BCAS1: variants seen among roughly 807,000 people sequenced by gnomAD.
BCAS1 encodes breast carcinoma-amplified sequence 1.
BCAS1 carries 46 observed loss-of-function variants against 65.4 expected under a neutral mutation model. That is an observed-to-expected ratio of 0.70 (90% CI 0.55 to 0.90). The LOEUF is 0.90. BCAS1 is among the 40% of genes least tolerant of loss of function. BCAS1 has a pLI of 0.00. For synonymous variants in BCAS1, 298 were observed against 293.5 expected (o/e 1.02, Z -0.16); for missense variants, 793 against 771.2 (o/e 1.03, Z -0.33).
chr20:53,995,914 A>G lies in BCAS1; in HGVS notation c.860T>C (p.Ile287Thr). The change falls in exon 5 of 13, where the codon ATC becomes ACC. Residue 287 changes from isoleucine to threonine, a missense_variant. By Grantham distance (89) the Ile-to-Thr change is moderately conservative (BLOSUM62 -1). Transcript: ENST00000688948. Reference sequence around the variant, plus strand: ...TACCAGAGTTTTAAAGAAACTCATGATGGAATTATTATTCTCTGCTATAGC... The same window carrying G: ...TACCAGAGTTTTAAAGAAACTCATGGTGGAATTATTATTCTCTGCTATAGC... ...AAAIAENNNS[I>T]MSFFKTLVSP... The G allele has an allele frequency of 6.2e-7, 1 of 1,608,418 alleles. No homozygotes were observed.
intron 3 of BCAS1, among the ~76,000 whole-genome samples, chr20:54,041,906 C>A (rs71323985): frequency 0.43 from 38,758 of 90,394 alleles, 9,958 homozygotes; most frequent in Non-Finnish European, 0.5. Context: ...ACTCTGTCTC[C>A]CCCAAAAAAA....
At chr20:53,977,939 G>A (rs2090376389) in intron 8 of BCAS1, among the ~76,000 whole-genome samples, 1 of 151,648 alleles carries the variant, frequency 6.6e-6, no homozygotes. Context: ...TGCACAATGT[G>A]CAGGTTAGTT....
At position 54,028,946 on chromosome 20, in the gene BCAS1, C is replaced by T. The variant is rs2091742087; in HGVS notation, c.169G>A (p.Asp57Asn). Reference protein sequence around the residue: ...EVDLGISVKTDNVATSSPETT... With the variant: ...EVDLGISVKTNNVATSSPETT... ...TCGGGGGAAGAAGTGGCCACATTAT[C>T]CGTCTTGACACTTATTCCCAAGTCG... The change falls in exon 4 of 13, where the codon GAT becomes AAT. Residue 57 changes from aspartate to asparagine, a missense_variant. Transcript: ENST00000688948. The T allele has an allele frequency of 3.1e-6, 5 of 1,613,008 alleles. No individual in the cohort carries two copies. Among genetic ancestry groups the T allele is most frequent in the Admixed American group, 1.7e-5 (1 of 59,950 alleles).
At chr20:53,998,830 A>G (rs1389385888) in intron 4 of BCAS1, among the ~76,000 whole-genome samples, 1 of 152,074 alleles carries the variant, frequency 6.6e-6, no homozygotes, top group African/African-American at 2.4e-5. Flanking sequence ...AATATTTTAC[A>G]TTTACAGCAT....
intron 10 of BCAS1, among the ~76,000 whole-genome samples, chr20:53,959,603 G>A (rs2089813681): frequency 6.6e-6 from 1 of 152,108 alleles, no homozygotes; most frequent in Non-Finnish European, 1.5e-5. Context: ...TCACTATGTT[G>A]CCCAGGTTGG....
chr20:54,002,285 G>A (rs1018431968), intron 4 of BCAS1, among the ~76,000 whole-genome samples: 1 of 152,224 alleles, frequency 6.6e-6, no homozygotes, highest in Non-Finnish European at 1.5e-5. Context: ...GCAGTAGGTA[G>A]GAGCAGACAC....
intron 3 of BCAS1, among the ~76,000 whole-genome samples, chr20:54,031,462 C>T (rs1362470036): frequency 6.6e-6 from 1 of 151,264 alleles, no homozygotes. Flanking sequence ...TACCCAAGTC[C>T]ATCACCTGGG....
intron 8 of BCAS1, among the ~76,000 whole-genome samples, chr20:53,976,585 T>C (rs2090341145): frequency 6.6e-6 from 1 of 152,216 alleles, no homozygotes; most frequent in African/African-American, 2.4e-5. Flanking sequence ...GAAATAGAAG[T>C]TCAGAGAGGT....
At chr20:53,976,836 C>T (rs1482411517) in intron 8 of BCAS1, among the ~76,000 whole-genome samples, 1 of 152,142 alleles carries the variant, frequency 6.6e-6, no homozygotes, top group African/African-American at 2.4e-5. Flanking sequence ...TCTCTGGGCA[C>T]AAAAATGTTC....
chr20:54,031,516 C>A (rs1246102013), intron 3 of BCAS1, among the ~76,000 whole-genome samples: 1 of 151,112 alleles, frequency 6.6e-6, no homozygotes, highest in African/African-American at 2.4e-5. Context: ...TAGGTGGGCA[C>A]CTGACATAAG....
intron 1 of BCAS1, among the ~76,000 whole-genome samples, chr20:54,065,151 T>C (rs2092422392): frequency 7.2e-6 from 1 of 138,752 alleles, no homozygotes; most frequent in East Asian, 2.5e-4. Context: ...TATCTATCTA[T>C]CTATCTATCT....
At chr20:54,004,234 C>G (rs1057425668) in intron 4 of BCAS1, among the ~76,000 whole-genome samples, 3 of 152,168 alleles carry the variant, frequency 2.0e-5, no homozygotes, top group Middle Eastern at 3.2e-3. Context: ...TTCCATCATT[C>G]CAGGGTGCAA....
intron 4 of BCAS1, among the ~76,000 whole-genome samples, chr20:54,017,049 A>G (rs2091453594): frequency 6.6e-6 from 1 of 152,158 alleles, no homozygotes; most frequent in East Asian, 1.9e-4. Flanking sequence ...ATAGTTATTA[A>G]CTGATGTGGA....
At chr20:54,058,221 A>T in intron 2 of BCAS1, 67 bp from the exon 3 acceptor site, 1 of 1,388,144 alleles carries the variant, frequency 7.2e-7, no homozygotes, top group Non-Finnish European at 1.0e-6. Flanking sequence ...TCAAGGAAGA[A>T]CCTCTAAGAT....
rs1286160474 is a variant in BCAS1 at position 53,944,993 on chromosome 20, G to A, written c.1819C>T (p.Pro607Ser). ...SLGGFFKGLG[P>S]KRMLDAQVQT... ...ACTTGAGCATCCAACATCCGCTTTGGTCCCTGGAGAAAAACAGAAAGACGT... is the reference window on the plus strand; with the variant it reads ...ACTTGAGCATCCAACATCCGCTTTGATCCCTGGAGAAAAACAGAAAGACGT... The change falls in exon 13 of 13, where the codon CCA becomes TCA. Residue 607 changes from proline to serine, a missense_variant. Coordinates refer to ENST00000688948, the MANE Select transcript of BCAS1 (RefSeq NM_001366298.2). 2 of 1,614,072 alleles carry A rather than the reference G, an allele frequency of 1.2e-6. No homozygotes were observed. Among genetic ancestry groups the A allele is most frequent in the Admixed American group, 1.7e-5 (1 of 60,018 alleles).
Position 53,945,000 on chromosome 20 carries a change from G to A in BCAS1, c.1816-4C>T. 1 of 1,613,964 alleles carries A rather than the reference G, an allele frequency of 6.2e-7. No individual in the cohort carries two copies. The highest frequency in any genetic ancestry group is 8.5e-7 in the Non-Finnish European group (1 of 1,179,902). On this transcript the variant is annotated splice_region_variant and splice_polypyrimidine_tract_variant and intron_variant, in intron 12 of 12. Transcript: ENST00000688948. ...CATCCAACATCCGCTTTGGTCCCTGGAGAAAAACAGAAAGACGTGGCAGCC... is the reference window on the plus strand; with the variant it reads ...CATCCAACATCCGCTTTGGTCCCTGAAGAAAAACAGAAAGACGTGGCAGCC...
intron 12 of BCAS1, among the ~76,000 whole-genome samples, chr20:53,946,916 T>C (rs1040261665): frequency 2.0e-5 from 3 of 151,948 alleles, no homozygotes; most frequent in African/African-American, 4.8e-5. Context: ...TAATATAGTA[T>C]ATAGAGTGTA....
chr20:54,004,044 A>C (rs2091124233), intron 4 of BCAS1, among the ~76,000 whole-genome samples: 1 of 152,154 alleles, frequency 6.6e-6, no homozygotes, highest in African/African-American at 2.4e-5. Context: ...TATTCTTTTA[A>C]TGTGTATTGT....
At chr20:53,951,285 C>T (rs1397555635) in intron 12 of BCAS1, among the ~76,000 whole-genome samples, 1 of 152,028 alleles carries the variant, frequency 6.6e-6, no homozygotes, top group Admixed American at 6.5e-5. Context: ...CCAGCTTGAG[C>T]AACATGGAGA....
Sources: gnomAD v4.1 joint callset for allele counts (sites outside exome capture counted in the v4.1 genomes callset) on GRCh38, gnomAD v4.1.1 for gene constraint, MANE v1.5 for transcripts, NCBI Gene and HGNC (gene_info 2026-07-23, HGNC 2026-07-21) for gene names.